Variants in PIGN observed in about 807,000 individuals in gnomAD.
PIGN encodes GPI ethanolamine phosphate transferase 1.
Under a neutral mutation model 125.4 loss-of-function variants are expected in PIGN, and 117 were observed. That is an observed-to-expected ratio of 0.93 (90% CI 0.80 to 1.09). The LOEUF (loss-of-function observed/expected upper bound fraction) is 1.09, where lower values mean the gene tolerates loss of function less well. Ranked by LOEUF, PIGN falls within the 50% of genes least tolerant of loss-of-function variation. The pLI, the probability that PIGN is intolerant of heterozygous loss-of-function variation, is 0.00. For synonymous variants in PIGN, 392 were observed against 377.8 expected (o/e 1.04, Z -0.44); for missense variants, 1,075 against 1,094.9 (o/e 0.98, Z 0.26).
chr18:62,030,275 C>T (rs1374352031), intron 23 of PIGN, among the ~76,000 whole-genome samples: 10 of 152,190 alleles, frequency 6.6e-5, no homozygotes, highest in African/African-American at 2.2e-4. Flanking sequence ...GTCTAACTTA[C>T]GCCAAATCTG....
At chr18:62,058,470 A>G (rs964053259) in intron 30 of PIGN, among the ~76,000 whole-genome samples, 2 of 152,192 alleles carry the variant, frequency 1.3e-5, no homozygotes, top group Non-Finnish European at 2.9e-5. Context: ...GAAAGACGCA[A>G]ACGTGAATGA....
At chr18:62,071,199 C>T (rs2032826199) in intron 30 of PIGN, among the ~76,000 whole-genome samples, 1 of 152,068 alleles carries the variant, frequency 6.6e-6, no homozygotes, top group Admixed American at 6.6e-5. Flanking sequence ...AAATTTAAAC[C>T]ACCATATAAA....
intron 30 of PIGN, among the ~76,000 whole-genome samples, chr18:62,071,863 CATATATATATATATAT>C (rs61508545): frequency 0.095 from 7,374 of 77,580 alleles, 751 homozygotes; most frequent in African/African-American, 0.24. Flanking sequence ...ACTCCTTTTC[CATATATATATATATAT>C]ATATATATAT....
At chr18:62,062,560 T>A (rs2032215695) in intron 30 of PIGN, among the ~76,000 whole-genome samples, 1 of 148,870 alleles carries the variant, frequency 6.7e-6, no homozygotes, top group African/African-American at 2.4e-5. Flanking sequence ...GTGTAATGAT[T>A]ATAGCAGGCC....
At chr18:62,058,363 G>A (rs1211330173) in intron 30 of PIGN, among the ~76,000 whole-genome samples, 3 of 152,186 alleles carry the variant, frequency 2.0e-5, no homozygotes, top group African/African-American at 7.2e-5. Flanking sequence ...ACTACCAAGT[G>A]ACCGGAAAGT....
chr18:62,176,774 G>A (rs914533318), intron 1 of PIGN, among the ~76,000 whole-genome samples: 3 of 151,890 alleles, frequency 2.0e-5, no homozygotes, highest in African/African-American at 7.3e-5. Context: ...AGAAAATAGT[G>A]GAAAAACTAG....
At chr18:62,050,158 G>C (rs1338549344) in intron 30 of PIGN, among the ~76,000 whole-genome samples, 6 of 152,084 alleles carry the variant, frequency 3.9e-5, no homozygotes, top group Non-Finnish European at 7.4e-5. Context: ...TGTTCTTTTG[G>C]CTTAGGATTG....
At chr18:62,074,549 A>G (rs1386201854) in intron 29 of PIGN, among the ~76,000 whole-genome samples, 1 of 152,210 alleles carries the variant, frequency 6.6e-6, no homozygotes, top group Non-Finnish European at 1.5e-5. Context: ...ACAAAGCAAC[A>G]TGGAAGACGA....
At chr18:62,123,342 T>C (rs2035382762) in intron 14 of PIGN, among the ~76,000 whole-genome samples, 1 of 151,776 alleles carries the variant, frequency 6.6e-6, no homozygotes, top group Non-Finnish European at 1.5e-5. Context: ...TGCACTTAAA[T>C]GCCTACAAGA....
intron 14 of PIGN, among the ~76,000 whole-genome samples, chr18:62,116,671 G>C (rs2035097209): frequency 6.6e-6 from 1 of 152,082 alleles, no homozygotes; most frequent in Non-Finnish European, 1.5e-5. Context: ...CTCCATGTGG[G>C]CCAAGATAAT....
chr18:62,101,771 G>A (rs2034446438), intron 21 of PIGN, among the ~76,000 whole-genome samples: 1 of 152,042 alleles, frequency 6.6e-6, no homozygotes, highest in Non-Finnish European at 1.5e-5. Flanking sequence ...TATGAGTTTT[G>A]CTTTTTGTGT....
intron 22 of PIGN, among the ~76,000 whole-genome samples, chr18:62,100,368 G>A (rs1005720620): frequency 3.3e-5 from 5 of 152,154 alleles, no homozygotes; most frequent in Non-Finnish European, 7.4e-5. Context: ...ATTGTTGGTG[G>A]GAATGTAAGT....
At chr18:62,088,261 C>T (rs926925328) in intron 25 of PIGN, 6 of 152,244 alleles carry the variant, frequency 3.9e-5, no homozygotes, top group African/African-American at 1.4e-4. Context: ...AGACTTTCCT[C>T]TGCCATACTG....
chr18:62,142,992 C>G (rs530565177), intron 11 of PIGN, among the ~76,000 whole-genome samples: 22 of 152,218 alleles, frequency 1.4e-4, no homozygotes, highest in African/African-American at 5.1e-4. Context: ...TAGATCTGTG[C>G]TTAAATTAAG....
At chr18:62,134,294 G>A (rs975555833) in intron 14 of PIGN, among the ~76,000 whole-genome samples, 3 of 152,186 alleles carry the variant, frequency 2.0e-5, no homozygotes, top group African/African-American at 7.2e-5. Flanking sequence ...AGGAGACTGA[G>A]GCAGGAGAAT....
At chr18:62,065,010 C>A (rs1280510330) in intron 30 of PIGN, among the ~76,000 whole-genome samples, 1 of 152,114 alleles carries the variant, frequency 6.6e-6, no homozygotes, top group Admixed American at 6.5e-5. Flanking sequence ...TAAAGGAAAG[C>A]CTCCTGGACA....
chr18:62,115,263 A>C (rs1599555872), intron 14 of PIGN, among the ~76,000 whole-genome samples: 1 of 152,222 alleles, frequency 6.6e-6, no homozygotes, highest in Non-Finnish European at 1.5e-5. Context: ...AAATACTCCC[A>C]AAAAATACTG....
chr18:62,047,694 C>G (rs562546059), intron 30 of PIGN, among the ~76,000 whole-genome samples: 1 of 152,202 alleles, frequency 6.6e-6, no homozygotes, highest in Admixed American at 6.5e-5. Flanking sequence ...CTTCCCCTGC[C>G]ATAGGAATGT....
At chr18:62,053,766 T>C (rs1385296906) in intron 30 of PIGN, among the ~76,000 whole-genome samples, 1 of 152,192 alleles carries the variant, frequency 6.6e-6, no homozygotes, top group Non-Finnish European at 1.5e-5. Flanking sequence ...TAATTCACAA[T>C]GATAAAACAC....
Sources: allele counts gnomAD v4.1 joint callset (sites outside exome capture counted in the v4.1 genomes callset), GRCh38; gene constraint gnomAD v4.1.1; transcripts MANE v1.5; gene names NCBI Gene and HGNC (gene_info 2026-07-23, HGNC 2026-07-21).